NUMB: variants seen among roughly 807,000 people sequenced by gnomAD.
NUMB encodes protein numb homolog.
A neutral mutation model predicts 59.7 loss-of-function variants in NUMB; 29 were observed. The observed-to-expected ratio is 0.49, with a 90% confidence interval of 0.36 to 0.66. NUMB has a LOEUF of 0.66. NUMB is among the 30% of genes least tolerant of loss of function. The pLI is 0.00. For missense variants in NUMB, 723 were observed against 822.0 expected, an observed-to-expected ratio of 0.88 and a Z score of 1.47; for synonymous variants, 288 against 288.2, an observed-to-expected ratio of 1.00 and a Z score of 0.01.
At chr14:73,321,841 G>C (rs1016202091) in intron 5 of NUMB, among the ~76,000 whole-genome samples, 1 of 152,106 alleles carries the variant, frequency 6.6e-6, no homozygotes, top group Non-Finnish European at 1.5e-5. Context: ...AGGTATGTCT[G>C]TATCTTTTTT....
intron 8 of NUMB, among the ~76,000 whole-genome samples, chr14:73,291,251 T>C (rs1215820420): frequency 6.6e-6 from 1 of 151,914 alleles, no homozygotes; most frequent in Non-Finnish European, 1.5e-5. Context: ...CGGCTAATTT[T>C]TGTATTTTTA....
intron 4 of NUMB, among the ~76,000 whole-genome samples, chr14:73,351,398 A>G (rs1457115021): frequency 6.6e-6 from 1 of 152,070 alleles, no homozygotes; most frequent in Non-Finnish European, 1.5e-5. Flanking sequence ...TTTGAACCCT[A>G]GAGGCGGAGG....
chr14:73,330,661 A>G (rs1008910637), intron 4 of NUMB, among the ~76,000 whole-genome samples: 2 of 152,238 alleles, frequency 1.3e-5, no homozygotes, highest in African/African-American at 2.4e-5. Context: ...TGCCCCACAC[A>G]TAGCAAATAC....
intron 1 of NUMB, among the ~76,000 whole-genome samples, chr14:73,418,048 T>G (rs1042282128): frequency 6.6e-6 from 1 of 151,894 alleles, no homozygotes; most frequent in Non-Finnish European, 1.5e-5. Flanking sequence ...GAGGTCACAG[T>G]GAGCTGAGAT....
chr14:73,391,749 C>T (rs1594981700), intron 2 of NUMB, among the ~76,000 whole-genome samples: 1 of 152,178 alleles, frequency 6.6e-6, no homozygotes, highest in Admixed American at 6.5e-5. Flanking sequence ...ATAGGTAATT[C>T]AGCAATCAAG....
rs1888183758 is a variant in NUMB, at chr14:73,276,724, T to C, written c.1810A>G (p.Thr604Ala). 6.2e-7 allele frequency: 1 copy of C among 1,614,094 alleles called. No homozygotes were observed. The highest frequency in any genetic ancestry group is 1.1e-5 in the South Asian group (1 of 91,096). ...GGGCAGGTGCCTGTAGGAACCTCTG[T>C]ATGCCTGTCTGCTGAGGCCAACCTG... Reference protein sequence around the residue: ...DGRLASADRHTEVPTGTCPVD... With the variant: ...DGRLASADRHAEVPTGTCPVD... Residue 604 changes from threonine (T) to alanine (A), a missense_variant, in exon 13 of 13, where the codon ACA (threonine) becomes GCA (alanine). Physicochemically the swap from Thr to Ala is moderately conservative, Grantham distance 58 (BLOSUM62 0). Transcript: ENST00000555238.
intron 5 of NUMB, among the ~76,000 whole-genome samples, chr14:73,321,711 G>A (rs1014088543): frequency 3.3e-5 from 5 of 152,168 alleles, no homozygotes; most frequent in African/African-American, 1.2e-4. Context: ...TCCCCTTAAC[G>A]TAATGACAGA....
At chr14:73,407,646 G>A (rs1447984944) in intron 2 of NUMB, among the ~76,000 whole-genome samples, 4 of 152,076 alleles carry the variant, frequency 2.6e-5, no homozygotes, top group East Asian at 1.9e-4. Flanking sequence ...GTGCTGAACC[G>A]ACTCTGTTAA....
intron 8 of NUMB, among the ~76,000 whole-genome samples, chr14:73,290,418 C>A (rs955358071): frequency 3.3e-5 from 5 of 152,160 alleles, no homozygotes; most frequent in Admixed American, 2.6e-4. Context: ...GAAGTGTATA[C>A]CAAGACAGAG....
intron 1 of NUMB, among the ~76,000 whole-genome samples, chr14:73,447,254 T>C (rs1883589160): frequency 6.8e-6 from 1 of 147,248 alleles, no homozygotes; most frequent in Admixed American, 6.8e-5. Flanking sequence ...TTTGGGAGGC[T>C]AAGGTGGGCA....
chr14:73,289,439 AC>A lies in NUMB; in HGVS notation c.451-2126del, dbSNP rs1316288476. Among the ~76,000 whole-genome samples, 11 of 152,332 alleles carry A rather than the reference AC, an allele frequency of 7.2e-5. No homozygotes were observed. In the South Asian group the frequency reaches 2.3e-3, roughly 32 times the overall value. On this transcript the variant is annotated intron_variant, in intron 8 of 12. Transcript: ENST00000555238. Reference sequence around the variant, plus strand: ...GTGGAATAAAAAAGCTAGAGATGGTACAATAATTGTTGGCATCATTCACAGT... The same window carrying A: ...GTGGAATAAAAAAGCTAGAGATGGTAAATAATTGTTGGCATCATTCACAGT...
intron 2 of NUMB, among the ~76,000 whole-genome samples, chr14:73,391,283 C>CTT (rs369541360): frequency 3.7e-5 from 5 of 133,806 alleles, no homozygotes; most frequent in Admixed American, 7.4e-5. Flanking sequence ...GATTTTTTTT[C>CTT]TTTTTTTTTT....
chr14:73,372,345 A>ATATATATATATATATATATATAACCTTT (rs1566766589), intron 2 of NUMB, among the ~76,000 whole-genome samples: 6 of 112,748 alleles, frequency 5.3e-5, no homozygotes, highest in African/African-American at 2.0e-4. Flanking sequence ...ATAACCTTTT[A>ATATATATATATATATATATATAACCTTT]TATATATATA....
intron 4 of NUMB, among the ~76,000 whole-genome samples, chr14:73,340,438 C>T (rs1270994999): frequency 2.0e-5 from 3 of 152,184 alleles, no homozygotes; most frequent in African/African-American, 4.8e-5. Context: ...GTGCCTGTCT[C>T]ACATGCCTTG....
chr14:73,316,968 T>C (rs1891115304), intron 5 of NUMB, among the ~76,000 whole-genome samples: 1 of 152,214 alleles, frequency 6.6e-6, no homozygotes, highest in Admixed American at 6.5e-5. Flanking sequence ...GTCCTTGTCA[T>C]ACTTTTTTCT....
chr14:73,291,809 G>C (rs542626243), intron 8 of NUMB, among the ~76,000 whole-genome samples: 1 of 150,576 alleles, frequency 6.6e-6, no homozygotes, highest in Non-Finnish European at 1.5e-5. Flanking sequence ...TCAGCCTCCC[G>C]AGTAGCTGGG....
chr14:73,453,045 G>A (rs1018739538), intron 1 of NUMB, among the ~76,000 whole-genome samples: 8 of 152,138 alleles, frequency 5.3e-5, no homozygotes, highest in Admixed American at 2.6e-4. Flanking sequence ...CCTTAAGCAC[G>A]TCAGTATTCT....
chr14:73,278,884 C>CG (rs978018523), intron 12 of NUMB, among the ~76,000 whole-genome samples: 2 of 151,958 alleles, frequency 1.3e-5, no homozygotes, highest in Non-Finnish European at 2.9e-5. Context: ...CATGCCACCG[C>CG]GCCTGGCTAA....
rs752154048 is a variant in NUMB at position 73,445,354 on chromosome 14, CAAAAAAAAAAAAAAAAAAAAAAAAAAA to C, written c.-233+13112_-233+13138del. On this transcript the variant is annotated intron_variant, in intron 1 of 12. Transcript: ENST00000555238. The stretch of plus-strand genomic sequence containing the variant: ...TGAGTGACAAAGTGAGACCCTGTCT[CAAAAAAAAAAAAAAAAAAAAAAAAAAA>C]AAAAAAAAAAAAAAACTTACAGCTG... Among the ~76,000 whole-genome samples, 10 of 57,578 alleles carry C rather than the reference CAAAAAAAAAAAAAAAAAAAAAAAAAAA, an allele frequency of 1.7e-4. 1 individual carries two copies. The highest frequency in any genetic ancestry group is 0.018 in the Middle Eastern group (1 of 56). 37.8% of individuals were successfully genotyped at this position (57,578 alleles called of 152,430 possible).
Sources: gnomAD v4.1 joint callset for allele counts (sites outside exome capture counted in the v4.1 genomes callset) on GRCh38, gnomAD v4.1.1 for gene constraint, MANE v1.5 for transcripts, NCBI Gene and HGNC (gene_info 2026-07-23, HGNC 2026-07-21) for gene names.